Variants in PTPRM observed in about 807,000 individuals in gnomAD.
PTPRM encodes the protein protein tyrosine phosphatase receptor type M, also known as receptor-type tyrosine-protein phosphatase mu.
In PTPRM, 47 loss-of-function variants were observed where a neutral mutation model predicts 186.7. The ratio of observed to expected loss-of-function variants is 0.25; its 90% CI spans 0.20 to 0.32. PTPRM has a LOEUF of 0.32. Among genes scored for constraint, PTPRM ranks in the 10% least tolerant of loss-of-function variants. PTPRM has a pLI of 1.00. For synonymous variants in PTPRM, 668 were observed against 674.9 expected (o/e 0.99, Z 0.16); for missense variants, 1,494 against 1,865.0 (o/e 0.80, Z 3.66).
At chr18:7,759,416 A>G (rs1334944674) in intron 1 of PTPRM, among the ~76,000 whole-genome samples, 2 of 152,216 alleles carry the variant, frequency 1.3e-5, no homozygotes, top group Non-Finnish European at 2.9e-5. Flanking sequence ...AGTTCTTACA[A>G]GTCAGCCATA....
intron 19 of PTPRM, among the ~76,000 whole-genome samples, chr18:8,290,884 C>A (rs1415493298): frequency 6.6e-6 from 1 of 152,090 alleles, no homozygotes; most frequent in African/African-American, 2.4e-5. Flanking sequence ...AAAAATACAT[C>A]TAGTGTTTTT....
At chr18:7,692,642 A>G (rs1348159801) in intron 1 of PTPRM, among the ~76,000 whole-genome samples, 4 of 152,218 alleles carry the variant, frequency 2.6e-5, no homozygotes, top group Admixed American at 6.5e-5. Flanking sequence ...GAAGCCAGCC[A>G]TGCTTATTCT....
chr18:7,964,145 T>C (rs1599749355), intron 7 of PTPRM, among the ~76,000 whole-genome samples: 1 of 152,258 alleles, frequency 6.6e-6, no homozygotes, highest in Admixed American at 6.5e-5. Flanking sequence ...ATGATCTTTA[T>C]GTTAGCATTT....
chr18:7,770,885 G>T (rs1470317717), intron 1 of PTPRM, among the ~76,000 whole-genome samples: 1 of 152,184 alleles, frequency 6.6e-6, no homozygotes, highest in Non-Finnish European at 1.5e-5. Context: ...GAAAATTGGT[G>T]TGCAGGGAAA....
chr18:7,973,706 C>G (rs1170378832), intron 7 of PTPRM, among the ~76,000 whole-genome samples: 1 of 151,896 alleles, frequency 6.6e-6, no homozygotes, highest in African/African-American at 2.4e-5. Context: ...TTAAATTTAT[C>G]AATTATATCT....
At chr18:8,014,478 T>C (rs1242184111) in intron 7 of PTPRM, among the ~76,000 whole-genome samples, 1 of 152,196 alleles carries the variant, frequency 6.6e-6, no homozygotes, top group Non-Finnish European at 1.5e-5. Context: ...ATTTGTATAC[T>C]CACACACTGA....
chr18:7,961,461 T>G (rs2053678216), intron 7 of PTPRM, among the ~76,000 whole-genome samples: 1 of 152,270 alleles, frequency 6.6e-6, no homozygotes, highest in African/African-American at 2.4e-5. Flanking sequence ...TGCACCTTTT[T>G]AATTATGCTG....
At chr18:7,706,442 A>T (rs954341269) in intron 1 of PTPRM, among the ~76,000 whole-genome samples, 17 of 151,498 alleles carry the variant, frequency 1.1e-4, no homozygotes, top group Admixed American at 8.6e-4. Flanking sequence ...ACAAAAAAAT[A>T]AAAAAAATTA....
intron 4 of PTPRM, among the ~76,000 whole-genome samples, chr18:7,912,076 T>C (rs1234932301): frequency 6.6e-6 from 1 of 152,104 alleles, no homozygotes; most frequent in African/African-American, 2.4e-5. Context: ...GGTCTCCAAC[T>C]CTTGACCTCA....
Position 8,274,281 on chromosome 18 carries a change from C to T in PTPRM, c.2754+20867C>T, listed in dbSNP as rs114285810. 7.3e-3 allele frequency among the ~76,000 whole-genome samples: 1,111 copies of T among 152,222 alleles called. 11 individuals carry two copies. The highest frequency in any genetic ancestry group is 0.026 in the African/African-American group (1,061 of 41,534). ...AAAGAACCTCAGATACGCTGCAGAA[C>T]GTGGAATTTGATCTATTTTTCACTA... On this transcript the variant is annotated intron_variant, in intron 19 of 32. Coordinates refer to ENST00000580170, the MANE Select transcript of PTPRM (RefSeq NM_001105244.2).
intron 14 of PTPRM, among the ~76,000 whole-genome samples, chr18:8,240,638 AGAGAGAGAGAGAGAG>A (rs1481723736): frequency 2.1e-5 from 1 of 47,104 alleles, no homozygotes; most frequent in African/African-American, 1.0e-4. Context: ...AGAGAGAGAG[AGAGAGAGAGAGAGAG>A]AAAGAAAGAA....
At chr18:8,292,541 G>A (rs2095053466) in intron 19 of PTPRM, among the ~76,000 whole-genome samples, 1 of 152,232 alleles carries the variant, frequency 6.6e-6, no homozygotes, top group South Asian at 2.1e-4. Flanking sequence ...GGAGTCAGGA[G>A]ACAGTGACAT....
At chr18:8,245,636 C>A (rs1056729814) in intron 15 of PTPRM, among the ~76,000 whole-genome samples, 2 of 152,076 alleles carry the variant, frequency 1.3e-5, no homozygotes, top group South Asian at 4.1e-4. Flanking sequence ...TTGGAGAAGC[C>A]CTTTTGGCCA....
chr18:8,084,664 A>G (rs1354503717), intron 9 of PTPRM, among the ~76,000 whole-genome samples: 1 of 152,204 alleles, frequency 6.6e-6, no homozygotes, highest in East Asian at 1.9e-4. Flanking sequence ...ATTACAAGTA[A>G]GTTTACCTAT....
chr18:7,976,129 A>G (rs560286493), intron 7 of PTPRM, among the ~76,000 whole-genome samples: 8 of 152,330 alleles, frequency 5.3e-5, no homozygotes, highest in South Asian at 2.1e-4. Flanking sequence ...AGATCGCGCC[A>G]TTGCATTCCA....
At chr18:8,296,589 C>T (rs1037803089) in intron 20 of PTPRM, 134 bp downstream of exon 20, 10 of 605,038 alleles carry the variant, frequency 1.7e-5, no homozygotes, top group African/African-American at 3.7e-5. Flanking sequence ...CTGGTGTTAA[C>T]GCTCGTACTA....
At chr18:8,132,983 A>G (rs982876495) in intron 13 of PTPRM, among the ~76,000 whole-genome samples, 3 of 152,140 alleles carry the variant, frequency 2.0e-5, no homozygotes, top group Non-Finnish European at 2.9e-5. Flanking sequence ...TATTTGACTC[A>G]TGGTTCTGGA....
At chr18:8,153,883 GC>G (rs2093064749) in intron 14 of PTPRM, among the ~76,000 whole-genome samples, 1 of 152,068 alleles carries the variant, frequency 6.6e-6, no homozygotes, top group Admixed American at 6.5e-5. Context: ...AACTTCTCTG[GC>G]CCTAGTTTCC....
intron 23 of PTPRM, among the ~76,000 whole-genome samples, chr18:8,370,215 G>T (rs917697193): frequency 2.6e-5 from 4 of 151,300 alleles, no homozygotes; most frequent in South Asian, 2.1e-4. Context: ...AATACAATTT[G>T]CTAGGAGAAT....
Sources: gnomAD v4.1 joint callset for allele counts (sites outside exome capture counted in the v4.1 genomes callset) on GRCh38, gnomAD v4.1.1 for gene constraint, MANE v1.5 for transcripts, NCBI Gene and HGNC (gene_info 2026-07-23, HGNC 2026-07-21) for gene names.